The following ARHGAP32 variants were observed in gnomAD, a reference collection of about 807,000 sequenced individuals.
The protein encoded by ARHGAP32 is rho GTPase-activating protein 32.
Under a neutral mutation model 186.5 loss-of-function variants are expected in ARHGAP32, and 51 were observed. That is an observed-to-expected ratio of 0.27 (90% confidence interval 0.22 to 0.35). ARHGAP32 has a LOEUF of 0.35. Ranked by LOEUF, ARHGAP32 falls within the 10% of genes least tolerant of loss-of-function variation. The pLI, the probability that ARHGAP32 is intolerant of heterozygous loss-of-function variation, is 1.00. For synonymous variants in ARHGAP32, 950 were observed against 964.3 expected (o/e 0.99, Z 0.27); for missense variants, 2,186 against 2,623.5 (o/e 0.83, Z 3.64).
intron 11 of ARHGAP32, among the ~76,000 whole-genome samples, chr11:129,006,644 GCCA>G (rs780311553): frequency 3.3e-5 from 5 of 152,274 alleles, no homozygotes; most frequent in Non-Finnish European, 5.9e-5. Context: ...CACCCCTGTG[GCCA>G]CCACCACTGG....
chr11:129,037,369 C>T (rs1565389003), intron 11 of ARHGAP32, among the ~76,000 whole-genome samples: 1 of 150,672 alleles, frequency 6.6e-6, no homozygotes. Context: ...TGGCACATGC[C>T]TGTAGTACTA....
At chr11:129,077,220 G>T (rs1483715815) in intron 6 of ARHGAP32, among the ~76,000 whole-genome samples, 1 of 152,118 alleles carries the variant, frequency 6.6e-6, no homozygotes, top group Non-Finnish European at 1.5e-5. Context: ...ACAGGAAAAA[G>T]GAAAGTTCCA....
chr11:129,240,047 ATTT>A (rs772181070), intron 1 of ARHGAP32, among the ~76,000 whole-genome samples: 1 of 148,586 alleles, frequency 6.7e-6, no homozygotes, highest in East Asian at 2.0e-4. Flanking sequence ...ATACTTTTTC[ATTT>A]TTTTTTTCTG....
At chr11:129,205,196 C>T (rs1479034915) in intron 1 of ARHGAP32, among the ~76,000 whole-genome samples, 1 of 152,068 alleles carries the variant, frequency 6.6e-6, no homozygotes, top group East Asian at 1.9e-4. Context: ...ATATTATCAT[C>T]TCTGGGGCTT....
chr11:129,142,530 T>C (rs1164966684), intron 2 of ARHGAP32, among the ~76,000 whole-genome samples: 3 of 152,130 alleles, frequency 2.0e-5, no homozygotes, highest in Admixed American at 1.3e-4. Context: ...ACTAAATTTG[T>C]ACTGTCATGA....
chr11:129,160,638 C>G (rs1943509910), intron 2 of ARHGAP32, among the ~76,000 whole-genome samples: 1 of 152,266 alleles, frequency 6.6e-6, no homozygotes, highest in Non-Finnish European at 1.5e-5. Flanking sequence ...CTACAAACCA[C>G]TGCTCAATGA....
Position 129,003,685 on chromosome 11 carries a change from A to G in ARHGAP32, c.1046-5217T>C, listed in dbSNP as rs558034493. 3.8e-3 allele frequency among the ~76,000 whole-genome samples: 576 copies of G among 152,250 alleles called. 2 individuals are homozygous for G. The highest frequency in any genetic ancestry group is 0.013 in the African/African-American group (551 of 41,556). On this transcript the variant is annotated intron_variant, in intron 11 of 22. Transcript: ENST00000682385. ...TTACTGGCATATAGTTGCTCATAAT[A>G]GCCACTAATGATCCCTTGAATTTCT...
chr11:129,117,772 C>A (rs556025841), intron 5 of ARHGAP32, among the ~76,000 whole-genome samples: 2 of 151,904 alleles, frequency 1.3e-5, no homozygotes, highest in South Asian at 4.2e-4. Flanking sequence ...CTTTTCCCCC[C>A]CTACACACTA....
chr11:129,130,408 T>A (rs936163546), intron 2 of ARHGAP32, among the ~76,000 whole-genome samples: 1 of 151,864 alleles, frequency 6.6e-6, no homozygotes, highest in South Asian at 2.1e-4. Context: ...CTGAGGTAAG[T>A]AGCAAGAAGC....
chr11:129,065,580 A>T (rs2135153149), intron 7 of ARHGAP32, among the ~76,000 whole-genome samples: 1 of 152,290 alleles, frequency 6.6e-6, no homozygotes, highest in Non-Finnish European at 1.5e-5. Flanking sequence ...GAAATGGGAA[A>T]TGCAGATAAA....
At chr11:129,273,106 T>C (rs780680895) in intron 1 of ARHGAP32, among the ~76,000 whole-genome samples, 4 of 152,198 alleles carry the variant, frequency 2.6e-5, no homozygotes, top group African/African-American at 9.7e-5. Context: ...TCCTCTCCAA[T>C]AGTACATCAC....
At position 128,970,458 on chromosome 11, in the gene ARHGAP32, G is replaced by C; in HGVS notation, c.4755C>G (p.Pro1585=). ...TGGTAGGGTACGGTGGAATGTCTTCGGGGTAACAGGTATTCCTGACAGAGG... is the reference window on the plus strand; with the variant it reads ...TGGTAGGGTACGGTGGAATGTCTTCCGGGTAACAGGTATTCCTGACAGAGG... ...LSSSVRNTCY[P]EDIPPYPTIR... Residue 1585 remains proline, a synonymous_variant, in exon 23 of 23, where the codon CCC becomes CCG. Transcript: ENST00000682385. This position sits in a 1 kb window ranked among gnomAD's most constrained non-coding sequence, Gnocchi z 5.8. The C allele has an allele frequency of 6.2e-7, 1 of 1,614,106 alleles. No homozygotes were observed. Among genetic ancestry groups the C allele is most frequent in the Non-Finnish European group, 8.5e-7 (1 of 1,180,014 alleles).
At chr11:129,179,317 C>G (rs1354676800) in intron 1 of ARHGAP32, among the ~76,000 whole-genome samples, 1 of 152,194 alleles carries the variant, frequency 6.6e-6, no homozygotes, top group East Asian at 1.9e-4. Flanking sequence ...AGGATGTGGA[C>G]AAATAGGAAA....
intron 11 of ARHGAP32, among the ~76,000 whole-genome samples, chr11:129,009,976 A>G (rs1354935549): frequency 6.6e-6 from 1 of 152,144 alleles, no homozygotes; most frequent in East Asian, 1.9e-4. Flanking sequence ...CCTTGTCAGC[A>G]TCTGTTGTTT....
chr11:129,183,512 T>C (rs1405570985), intron 1 of ARHGAP32, among the ~76,000 whole-genome samples: 4 of 152,174 alleles, frequency 2.6e-5, no homozygotes, highest in Admixed American at 6.6e-5. Flanking sequence ...TTTTATCATG[T>C]AGGTTTTAGA....
intron 6 of ARHGAP32, among the ~76,000 whole-genome samples, chr11:129,078,387 G>A (rs1418939244): frequency 6.6e-6 from 1 of 152,176 alleles, no homozygotes; most frequent in African/African-American, 2.4e-5. Flanking sequence ...CTGGTAAGAT[G>A]ACGAAACAAG....
intron 6 of ARHGAP32, among the ~76,000 whole-genome samples, chr11:129,083,259 A>T (rs1941275243): frequency 1.3e-5 from 2 of 152,194 alleles, no homozygotes; most frequent in Admixed American, 1.3e-4. Flanking sequence ...AAAGTAAGTC[A>T]TTATAGGACA....
At chr11:129,253,306 T>C (rs1945210156) in intron 1 of ARHGAP32, among the ~76,000 whole-genome samples, 1 of 152,158 alleles carries the variant, frequency 6.6e-6, no homozygotes, top group Non-Finnish European at 1.5e-5. Context: ...GGTCATAATG[T>C]ATGGCTAGGT....
chr11:129,024,959 A>T (rs1938769000), intron 11 of ARHGAP32, among the ~76,000 whole-genome samples: 1 of 152,238 alleles, frequency 6.6e-6, no homozygotes, highest in African/African-American at 2.4e-5. Context: ...GAACTGTGTT[A>T]ACCCAATTAT....
Sources: gnomAD v4.1 joint callset for allele counts (sites outside exome capture counted in the v4.1 genomes callset) on GRCh38, gnomAD v4.1.1 for gene constraint, Gnocchi (gnomAD v3.1) non-coding constraint, MANE v1.5 for transcripts, NCBI Gene and HGNC (gene_info 2026-07-23, HGNC 2026-07-21) for gene names.